SP9: variants seen among roughly 807,000 people sequenced by gnomAD.
The protein encoded by SP9 is transcription factor Sp9.
SP9 carries 5 observed loss-of-function variants against 23.0 expected under a neutral mutation model. That is an observed-to-expected ratio of 0.22 (90% CI 0.11 to 0.46). The LOEUF is 0.46. Ranked by LOEUF, SP9 falls within the 20% of genes least tolerant of loss-of-function variation. SP9 has a pLI of 0.99. For missense variants in SP9, 542 were observed against 724.0 expected (o/e 0.75, Z 2.88); for synonymous variants, 360 against 356.5 (o/e 1.01, Z -0.11).
chr2:174,336,643 C>A lies in SP9; in HGVS notation c.558C>A (p.Ser186Arg). The part of the protein sequence containing the change: ...AASSWWDVHS[S>R]PGSWLEVQNP... Reference sequence around the variant, plus strand: ...CGTCGTGGTGGGACGTGCACAGCAGCCCGGGCTCGTGGCTGGAAGTGCAGA... The same window carrying A: ...CGTCGTGGTGGGACGTGCACAGCAGACCGGGCTCGTGGCTGGAAGTGCAGA... Residue 186 changes from serine to arginine, a missense_variant, in exon 2 of 2, where the codon AGC becomes AGA. Transcript: ENST00000394967. The A allele has an allele frequency of 6.7e-7, 1 of 1,493,452 alleles. No individual in the cohort carries two copies. Among genetic ancestry groups the A allele is most frequent in the Non-Finnish European group, 8.9e-7 (1 of 1,126,540 alleles). 92.5% of individuals were successfully genotyped at this position (1,493,452 alleles called of 1,614,324 possible). A position where few individuals can be genotyped will look rare whatever the true frequency, so the allele number is the denominator to read the frequency against.
At position 174,336,174 on chromosome 2, in the gene SP9, C is replaced by A; in HGVS notation, c.89C>A (p.Thr30Lys). ...LAATCNKIGN[T>K]SPLTTLPESS... ...GCGACCTGCAACAAGATCGGCAACA[C>A]GAGCCCGCTGACGACGCTGCCAGAG... Residue 30 changes from threonine (T) to lysine (K), a missense_variant, in exon 2 of 2, where the codon ACG becomes AAG. Physicochemically the swap from Thr to Lys is moderately conservative, Grantham distance 78. Transcript: ENST00000394967. 1.9e-6 allele frequency: 3 copies of A among 1,551,020 alleles called. No homozygotes were observed. The South Asian group carries it at 3.6e-5, about 18-fold the overall frequency.
rs1350032928 is a variant in SP9 at position 174,337,409 on chromosome 2, G to T, written c.1324G>T (p.Asp442Tyr). 1 of 1,545,420 alleles carries T rather than the reference G, an allele frequency of 6.5e-7. No homozygotes were observed. The highest frequency in any genetic ancestry group is 8.7e-7 in the Non-Finnish European group (1 of 1,144,822). The change falls in exon 2 of 2, where the codon GAC becomes TAC. Residue 442 changes from aspartate to tyrosine, a missense_variant. This residue lies in a region of SP9 where 35 missense variants were observed against 67.2 expected (regional missense o/e 0.52). Transcript: ENST00000394967. Reference sequence around the variant, plus strand: ...GGAGACGCCCCGTTCCGAATCCCCCGACCTCATCCTGCATGACTCCGGCGT... The same window carrying T: ...GGAGACGCCCCGTTCCGAATCCCCCTACCTCATCCTGCATGACTCCGGCGT... ...NLETPRSESP[D>Y]LILHDSGVSA...
Position 174,337,615 on chromosome 2 carries a change from A to G in SP9, c.*75A>G. 2 of 1,069,598 alleles carry G rather than the reference A, an allele frequency of 1.9e-6. No homozygotes were observed. Among genetic ancestry groups the G allele is most frequent in the Non-Finnish European group, 2.3e-6 (2 of 884,218 alleles). The allele number at this position is 1,069,598 out of a possible 1,614,324, so 66.3% of individuals were successfully genotyped here. On this transcript the variant is annotated 3_prime_UTR_variant, in exon 2 of 2. Coordinates refer to ENST00000394967, the MANE Select transcript of SP9 (RefSeq NM_001145250.2). The stretch of plus-strand genomic sequence containing the variant: ...GAACGAGAGGTTCGGAGGGCGAGCG[A>G]GCGGGAGGCGGGAGGGCAGGGGCTT...
Position 174,336,434 on chromosome 2 carries a change from G to A in SP9, c.349G>A (p.Ala117Thr), listed in dbSNP as rs868676653. The A allele has an allele frequency of 6.8e-7, 1 of 1,467,934 alleles. No homozygotes were observed. Among genetic ancestry groups the A allele is most frequent in the Non-Finnish European group, 8.9e-7 (1 of 1,119,190 alleles). 90.9% of individuals were successfully genotyped at this position (1,467,934 alleles called of 1,614,324 possible). The change falls in exon 2 of 2, where the codon GCG becomes ACG. Residue 117 changes from alanine to threonine, a missense_variant. Physicochemically the swap from Ala to Thr is moderately conservative, Grantham distance 58. This residue lies in a region of SP9 where 201 missense variants were observed against 226.3 expected (regional missense o/e 0.89). Transcript: ENST00000394967. ...GLFSNSAAAA[A>T]AAAGVSPQEA... is the part of the protein sequence containing the mutation. ...CTTCTCCAACTCGGCGGCTGCCGCG[G>A]CGGCAGCGGCCGGGGTGTCCCCGCA...
At position 174,335,088 on chromosome 2, in the gene SP9, C is replaced by T; in HGVS notation, c.-5C>T. ...CCAGCCTCGCTGCGCAGCCAGAGAC[C>T]TGCTATGGCCACGTCTATACTCGGG... On this transcript the variant is annotated 5_prime_UTR_variant, in exon 1 of 2. Coordinates refer to ENST00000394967, the MANE Select transcript of SP9 (RefSeq NM_001145250.2). 1.3e-6 allele frequency: 2 copies of T among 1,551,682 alleles called. No individual in the cohort carries two copies. Among genetic ancestry groups the T allele is most frequent in the South Asian group, 1.2e-5 (1 of 84,066 alleles).
In SP9 at chr2:174,336,456, C is replaced by A; in HGVS notation, c.371C>A (p.Pro124Gln). 1 of 1,479,172 alleles carries A rather than the reference C, an allele frequency of 6.8e-7. No individual in the cohort carries two copies. Among genetic ancestry groups the A allele is most frequent in the African/African-American group, 1.5e-5 (1 of 67,626 alleles). 91.6% of individuals were successfully genotyped at this position (1,479,172 alleles called of 1,614,324 possible). The change falls in exon 2 of 2, where the codon CCG (proline) becomes CAG (glutamine). Residue 124 changes from proline (P) to glutamine (Q), a missense_variant. Coordinates refer to ENST00000394967, the MANE Select transcript of SP9 (RefSeq NM_001145250.2). ...GCGGCGGCAGCGGCCGGGGTGTCCC[C>A]GCAGGAGGCGGGTGGCCAGTCGGCC... is the stretch of plus-strand genomic sequence containing the variant. ...AAAAAAAGVS[P>Q]QEAGGQSAFI...
Position 174,337,249 on chromosome 2 carries a change from C to A in SP9, c.1164C>A (p.Gly388=). ...AGCGGCATCTGCGGACTCACACGGG[C>A]GAGAAGCGCTTCGCCTGTCCGGTGT... ...ELQRHLRTHT[G]EKRFACPVCN... is the part of the protein sequence containing the mutation. The change falls in exon 2 of 2, where the codon GGC becomes GGA. Residue 388 remains glycine (G), a synonymous_variant. Transcript: ENST00000394967. 1 of 1,572,692 alleles carries A rather than the reference C, an allele frequency of 6.4e-7. No individual in the cohort carries two copies. Among genetic ancestry groups the A allele is most frequent in the Non-Finnish European group, 8.6e-7 (1 of 1,159,380 alleles).
chr2:174,336,324 G>T lies in SP9; in HGVS notation c.239G>T (p.Gly80Val). ...GGCCGTGGCTCGGGCGGCCTGGCGG[G>T]CGGCTCGGGCGCCGCCAACAGCGCC... Reference protein sequence around the residue: ...TGGRGSGGLAGGSGAANSAFC... With the variant: ...TGGRGSGGLAVGSGAANSAFC... The change falls in exon 2 of 2, where the codon GGC becomes GTC. Residue 80 changes from glycine (G) to valine (V), a missense_variant. Transcript: ENST00000394967. 8 of 1,496,910 alleles carry T rather than the reference G, an allele frequency of 5.3e-6. No homozygotes were observed. The highest frequency in any genetic ancestry group is 7.1e-6 in the Non-Finnish European group (8 of 1,130,318). The allele number at this position is 1,496,910 out of a possible 1,614,324, so 92.7% of individuals were successfully genotyped here.
In SP9 at chr2:174,336,614, G is replaced by T. The variant is rs1684417883; in HGVS notation, c.529G>T (p.Ala177Ser). 3.5e-6 allele frequency: 5 copies of T among 1,430,616 alleles called. No individual in the cohort carries two copies. Among genetic ancestry groups the T allele is most frequent in the Non-Finnish European group, 4.6e-6 (5 of 1,096,586 alleles). 88.6% of individuals were successfully genotyped at this position (1,430,616 alleles called of 1,614,324 possible). ...GGCCGGCGAGGTGACCAACGGCGCG[G>T]CGTCGTCGTGGTGGGACGTGCACAG... ...LAAGEVTNGAASSWWDVHSSP... is the reference protein window; with the variant it reads ...LAAGEVTNGASSSWWDVHSSP... Residue 177 changes from alanine (A) to serine (S), a missense_variant, in exon 2 of 2, where the codon GCG becomes TCG. Physicochemically the swap from Ala to Ser is moderately conservative, Grantham distance 99 (BLOSUM62 1). Around this residue, in one of 8 missense-constraint regions of SP9, gnomAD observed 144 missense variants for 158.7 expected, o/e 0.91. Coordinates refer to ENST00000394967, the MANE Select transcript of SP9 (RefSeq NM_001145250.2).
Position 174,336,986 on chromosome 2 carries a change from C to G in SP9, c.901C>G (p.Arg301Gly). Reference protein sequence around the residue: ...AGGSSARSARRYSGRATCDCP... With the variant: ...AGGSSARSARGYSGRATCDCP... Reference sequence around the variant, plus strand: ...GGGGAGCTCGGCACGCTCTGCCCGCCGCTACTCGGGCCGCGCCACCTGCGA... The same window carrying G: ...GGGGAGCTCGGCACGCTCTGCCCGCGGCTACTCGGGCCGCGCCACCTGCGA... Residue 301 changes from arginine to glycine, a missense_variant, in exon 2 of 2, where the codon CGC becomes GGC. Around this residue, in one of 8 missense-constraint regions of SP9, gnomAD observed 56 missense variants for 97.8 expected, o/e 0.57. Transcript: ENST00000394967. 1.4e-6 allele frequency: 2 copies of G among 1,442,098 alleles called. No homozygotes were observed. The highest frequency in any genetic ancestry group is 9.0e-7 in the Non-Finnish European group (1 of 1,107,888). The allele number at this position is 1,442,098 out of a possible 1,614,324, so 89.3% of individuals were successfully genotyped here.
In SP9 at chr2:174,336,632, G is replaced by A. The variant is rs113212714; in HGVS notation, c.547G>A (p.Val183Met). 2 of 1,479,472 alleles carry A rather than the reference G, an allele frequency of 1.4e-6. No individual in the cohort carries two copies. The highest frequency in any genetic ancestry group is 5.4e-5 in the East Asian group (2 of 36,904). The allele number at this position is 1,479,472 out of a possible 1,614,324, so 91.6% of individuals were successfully genotyped here. ...TNGAASSWWDVHSSPGSWLEV... is the reference protein window; with the variant it reads ...TNGAASSWWDMHSSPGSWLEV... Reference sequence around the variant, plus strand: ...CGGCGCGGCGTCGTCGTGGTGGGACGTGCACAGCAGCCCGGGCTCGTGGCT... The same window carrying A: ...CGGCGCGGCGTCGTCGTGGTGGGACATGCACAGCAGCCCGGGCTCGTGGCT... Residue 183 changes from valine to methionine, a missense_variant, in exon 2 of 2, where the codon GTG becomes ATG. Around this residue, in one of 8 missense-constraint regions of SP9, gnomAD observed 144 missense variants for 158.7 expected, o/e 0.91. Transcript: ENST00000394967.
In SP9 at chr2:174,336,527, C is replaced by T; in HGVS notation, c.442C>T (p.Arg148Cys). 1 of 1,445,658 alleles carries T rather than the reference C, an allele frequency of 6.9e-7. No individual in the cohort carries two copies. Among genetic ancestry groups the T allele is most frequent in the Non-Finnish European group, 9.1e-7 (1 of 1,102,936 alleles). 89.6% of individuals were successfully genotyped at this position (1,445,658 alleles called of 1,614,324 possible). The change falls in exon 2 of 2, where the codon CGC (arginine) becomes TGC (cysteine). Residue 148 changes from arginine to cysteine, a missense_variant. Physicochemically the swap from Arg to Cys is radical, Grantham distance 180. Around this residue, in one of 8 missense-constraint regions of SP9, gnomAD observed 201 missense variants for 226.3 expected, o/e 0.89. Coordinates refer to ENST00000394967, the MANE Select transcript of SP9 (RefSeq NM_001145250.2). ...HTTAADGLYP[R>C]VGMAHPYESW... ...GACGGCAGCCGACGGGCTGTACCCG[C>T]GCGTGGGCATGGCGCACCCGTACGA...
chr2:174,336,966 G>A lies in SP9; in HGVS notation c.881G>A (p.Ser294Asn), dbSNP rs1433653134. 5 of 1,428,690 alleles carry A rather than the reference G, an allele frequency of 3.5e-6. No individual in the cohort carries two copies. Among genetic ancestry groups the A allele is most frequent in the African/African-American group, 1.5e-5 (1 of 66,658 alleles). 88.5% of individuals were successfully genotyped at this position (1,428,690 alleles called of 1,614,324 possible). A position where few individuals can be genotyped will look rare whatever the true frequency, so the allele number is the denominator to read the frequency against. The change falls in exon 2 of 2, where the codon AGC becomes AAC. Residue 294 changes from serine (S) to asparagine (N), a missense_variant. Physicochemically the swap from Ser to Asn is conservative, Grantham distance 46. Transcript: ENST00000394967. ...SGAAAAAAGG[S>N]SARSARRYSG... ...GCCGCGGCTGCCGCCGCCGGGGGGA[G>A]CTCGGCACGCTCTGCCCGCCGCTAC...
At position 174,336,815 on chromosome 2, in the gene SP9, G is replaced by T. The variant is rs1353146717; in HGVS notation, c.730G>T (p.Ala244Ser). 1 of 1,527,958 alleles carries T rather than the reference G, an allele frequency of 6.5e-7. No homozygotes were observed. Among genetic ancestry groups the T allele is most frequent in the East Asian group, 2.5e-5 (1 of 39,704 alleles). The allele number at this position is 1,527,958 out of a possible 1,614,324, so 94.7% of individuals were successfully genotyped here. A position where few individuals can be genotyped will look rare whatever the true frequency, so the allele number is the denominator to read the frequency against. The change falls in exon 2 of 2, where the codon GCC becomes TCC. Residue 244 changes from alanine to serine, a missense_variant. This residue lies in a region of SP9 where 144 missense variants were observed against 158.7 expected (regional missense o/e 0.91). Transcript: ENST00000394967. The stretch of plus-strand genomic sequence containing the variant: ...GGGCCTCGGCTCCTCCGCCGCCGCC[G>T]CCTCCCACCTGCTCTCCACCAGCCA... ...STGLGSSAAA[A>S]SHLLSTSQHL...
In SP9 at chr2:174,338,165, A is replaced by G. The variant is rs1442730611; in HGVS notation, c.*625A>G. 1 of 152,244 alleles carries G rather than the reference A, an allele frequency of 6.6e-6. No homozygotes were observed. The highest frequency in any genetic ancestry group is 2.4e-5 in the African/African-American group (1 of 41,464). 9.4% of individuals were successfully genotyped at this position (152,244 alleles called of 1,614,324 possible). ...AGCATCAAAAGGCTTAAGGTGAGAA[A>G]TTAAACTGGAAGTCTAGCGACAGTT... On this transcript the variant is annotated 3_prime_UTR_variant, in exon 2 of 2. Coordinates refer to ENST00000394967, the MANE Select transcript of SP9 (RefSeq NM_001145250.2).
In SP9 at chr2:174,335,167, G is replaced by T. The variant is rs3856434; in HGVS notation, c.21+54G>T. On this transcript the variant is annotated intron_variant, in intron 1 of 1. Coordinates refer to ENST00000394967, the MANE Select transcript of SP9 (RefSeq NM_001145250.2). ...CTTGTTTTAACCGGAGTAATTTTTCGTTATGGCTTCTGGGGTCTGCGGCTC... is the reference window on the plus strand; with the variant it reads ...CTTGTTTTAACCGGAGTAATTTTTCTTTATGGCTTCTGGGGTCTGCGGCTC... The T allele has an allele frequency of 6.7e-5, 104 of 1,547,512 alleles. No individual in the cohort carries two copies. In the African/African-American group the frequency reaches 1.2e-3, roughly 17 times the overall value.
chr2:174,336,796 C>G lies in SP9; in HGVS notation c.711C>G (p.Leu237=). The G allele has an allele frequency of 1.3e-6, 2 of 1,530,256 alleles. No individual in the cohort carries two copies. Among genetic ancestry groups the G allele is most frequent in the Non-Finnish European group, 1.7e-6 (2 of 1,144,320 alleles). The allele number at this position is 1,530,256 out of a possible 1,614,324, so 94.8% of individuals were successfully genotyped here. A position where few individuals can be genotyped will look rare whatever the true frequency, so the allele number is the denominator to read the frequency against. The change falls in exon 2 of 2, where the codon CTC becomes CTG. Residue 237 remains leucine (L), a synonymous_variant. Coordinates refer to ENST00000394967, the MANE Select transcript of SP9 (RefSeq NM_001145250.2). ...ACTCCGCCTTCAGCTCCACGGGCCT[C>G]GGCTCCTCCGCCGCCGCCGCCTCCC... ...LTHSAFSSTG[L]GSSAAAASHL...
Position 174,336,995 on chromosome 2 carries a change from G to A in SP9, c.910G>A (p.Gly304Ser). 5 of 1,450,526 alleles carry A rather than the reference G, an allele frequency of 3.4e-6. No homozygotes were observed. Among genetic ancestry groups the A allele is most frequent in the Non-Finnish European group, 4.5e-6 (5 of 1,110,846 alleles). The allele number at this position is 1,450,526 out of a possible 1,614,324, so 89.9% of individuals were successfully genotyped here. ...SSARSARRYSGRATCDCPNCQ... is the reference protein window; with the variant it reads ...SSARSARRYSSRATCDCPNCQ... ...GGCACGCTCTGCCCGCCGCTACTCG[G>A]GCCGCGCCACCTGCGACTGCCCCAA... Residue 304 changes from glycine to serine, a missense_variant, in exon 2 of 2, where the codon GGC becomes AGC. Transcript: ENST00000394967.
rs1445257739 is a variant in SP9, at chr2:174,337,261, C to T, written c.1176C>T (p.Phe392=). The change falls in exon 2 of 2, where the codon TTC becomes TTT. Residue 392 remains phenylalanine (F), a synonymous_variant. Transcript: ENST00000394967. ...HLRTHTGEKR[F]ACPVCNKRFM... ...GGACTCACACGGGCGAGAAGCGCTT[C>T]GCCTGTCCGGTGTGCAACAAGCGCT... The T allele has an allele frequency of 1.9e-6, 3 of 1,565,494 alleles. No individual in the cohort carries two copies. Among genetic ancestry groups the T allele is most frequent in the Admixed American group, 3.8e-5 (2 of 52,576 alleles).
Sources: allele counts gnomAD v4.1 joint callset, GRCh38; gene constraint gnomAD v4.1.1; regional missense constraint gnomAD v4.1.1; transcripts MANE v1.5; gene names NCBI Gene and HGNC (gene_info 2026-07-23, HGNC 2026-07-21).